The following SPATA16 variants were observed in gnomAD, a reference collection of about 807,000 sequenced individuals.
SPATA16 encodes the protein spermatogenesis associated 16.
A neutral mutation model predicts 63.3 loss-of-function variants in SPATA16; 36 were observed. The observed-to-expected ratio is 0.57, with a 90% CI of 0.44 to 0.75. The LOEUF (loss-of-function observed/expected upper bound fraction) is 0.75. Among genes scored for constraint, SPATA16 ranks in the 30% least tolerant of loss-of-function variants. The pLI is 0.00. For synonymous variants in SPATA16, 203 were observed against 216.7 expected, an observed-to-expected ratio of 0.94 and a Z score of 0.56; for missense variants, 646 against 679.3, an observed-to-expected ratio of 0.95 and a Z score of 0.54.
intron 3 of SPATA16, among the ~76,000 whole-genome samples, chr3:173,041,558 A>G (rs752082112): frequency 8.5e-5 from 13 of 152,262 alleles, no homozygotes; most frequent in Middle Eastern, 3.4e-3. Context: ...TTGTGTTCCC[A>G]ATTATTATCC....
intron 6 of SPATA16, among the ~76,000 whole-genome samples, chr3:172,928,809 G>C (rs142524951): frequency 6.0e-4 from 92 of 152,138 alleles, no homozygotes; most frequent in Non-Finnish European, 1.0e-3. Flanking sequence ...AATGTAGGAG[G>C]CTCCTATATA....
At chr3:173,030,604 T>C (rs1735582681) in intron 3 of SPATA16, among the ~76,000 whole-genome samples, 2 of 151,996 alleles carry the variant, frequency 1.3e-5, no homozygotes, top group Admixed American at 1.3e-4. Flanking sequence ...GTGGAGAAAT[T>C]AGAATGCTTG....
At chr3:173,005,357 G>A (rs946636485) in intron 4 of SPATA16, among the ~76,000 whole-genome samples, 12 of 148,288 alleles carry the variant, frequency 8.1e-5, no homozygotes, top group African/African-American at 3.0e-4. Flanking sequence ...AGAAAATGTA[G>A]AATCAGGAGG....
chr3:172,972,024 C>T (rs1734058058), intron 5 of SPATA16, among the ~76,000 whole-genome samples: 1 of 152,124 alleles, frequency 6.6e-6, no homozygotes, highest in South Asian at 2.1e-4. Context: ...TCTTTTTTGT[C>T]TCTCAGTTCA....
chr3:173,101,920 A>G (rs376837882), intron 2 of SPATA16, among the ~76,000 whole-genome samples: 4 of 152,164 alleles, frequency 2.6e-5, no homozygotes, highest in African/African-American at 9.6e-5. Flanking sequence ...CAGACCCACA[A>G]TCCACCATTG....
intron 4 of SPATA16, among the ~76,000 whole-genome samples, chr3:172,991,214 G>T (rs974042632): frequency 6.6e-6 from 1 of 152,084 alleles, no homozygotes; most frequent in Non-Finnish European, 1.5e-5. Flanking sequence ...TCTCAGGGGA[G>T]ATATTTCAGA....
At chr3:172,952,867 G>C (rs543404071) in intron 6 of SPATA16, among the ~76,000 whole-genome samples, 2 of 150,292 alleles carry the variant, frequency 1.3e-5, no homozygotes, top group Non-Finnish European at 3.0e-5. Flanking sequence ...TTGAACCCGG[G>C]AGGTGGAGGT....
intron 3 of SPATA16, among the ~76,000 whole-genome samples, chr3:173,033,519 C>T (rs1735650373): frequency 6.6e-6 from 1 of 152,072 alleles, no homozygotes; most frequent in Non-Finnish European, 1.5e-5. Flanking sequence ...TATCAGCTAT[C>T]ACCTCTCTTG....
intron 1 of SPATA16, among the ~76,000 whole-genome samples, chr3:173,119,327 A>G (rs1320817394): frequency 2.0e-5 from 3 of 152,308 alleles, no homozygotes; most frequent in South Asian, 4.1e-4. Flanking sequence ...GCAAACAAAT[A>G]AACAAACAAA....
At chr3:173,117,888 A>C in intron 1 of SPATA16, 139 bp from the exon 2 acceptor site, 1 of 1,363,400 alleles carries the variant, frequency 7.3e-7, no homozygotes, top group Non-Finnish European at 1.0e-6. Flanking sequence ...GTATTTACAT[A>C]ATCTACTGAC....
rs76919890 is a variant in SPATA16, at chr3:172,979,633, A to G, written c.849-2581T>C. ...TAAAATTAGAATTTTTAGCGCTTTT[A>G]TTAATGTTATGCCAAAGTTGCTTTT... On this transcript the variant is annotated intron_variant, in intron 4 of 10. Transcript: ENST00000351008. 3.6e-3 allele frequency among the ~76,000 whole-genome samples: 553 copies of G among 152,210 alleles called. 3 individuals carry two copies. The highest frequency in any genetic ancestry group is 0.013 in the African/African-American group (538 of 41,530).
chr3:173,092,987 T>G (rs2108320472), intron 2 of SPATA16, among the ~76,000 whole-genome samples: 1 of 151,896 alleles, frequency 6.6e-6, no homozygotes, highest in Non-Finnish European at 1.5e-5. Flanking sequence ...TTTGTAGCAC[T>G]TTCCACAAAT....
chr3:172,921,738 A>G (rs1300929805), intron 8 of SPATA16, among the ~76,000 whole-genome samples: 2 of 152,242 alleles, frequency 1.3e-5, no homozygotes, highest in Non-Finnish European at 2.9e-5. Flanking sequence ...AATACTTTAC[A>G]AAGTGCTTCA....
intron 10 of SPATA16, among the ~76,000 whole-genome samples, chr3:172,894,955 G>A (rs79521788): frequency 0.096 from 14,623 of 152,176 alleles, 787 homozygotes; most frequent in African/African-American, 0.14. Flanking sequence ...ATGGCATTTT[G>A]TTATAACAGC....
chr3:173,015,890 G>A (rs1229410648), intron 4 of SPATA16, among the ~76,000 whole-genome samples: 1 of 151,050 alleles, frequency 6.6e-6, no homozygotes, highest in East Asian at 1.9e-4. Flanking sequence ...GTGTGTGTGT[G>A]TGTAAGTATG....
chr3:172,917,504 A>G (rs538145484), intron 8 of SPATA16, among the ~76,000 whole-genome samples: 2 of 152,336 alleles, frequency 1.3e-5, no homozygotes, highest in East Asian at 1.9e-4. Context: ...TGCCTACACC[A>G]GAATCACTAT....
chr3:173,009,211 A>G (rs998001507), intron 4 of SPATA16, among the ~76,000 whole-genome samples: 5 of 152,230 alleles, frequency 3.3e-5, no homozygotes, highest in Admixed American at 1.3e-4. Flanking sequence ...GAGAGAAAAC[A>G]CTAAGCTCTT....
At chr3:173,085,412 AT>A (rs1461329540) in intron 2 of SPATA16, among the ~76,000 whole-genome samples, 3 of 151,960 alleles carry the variant, frequency 2.0e-5, no homozygotes, top group Non-Finnish European at 4.4e-5. Context: ...GAATTTTTGG[AT>A]TGAGATGATG....
rs568594741 is a variant in SPATA16, at chr3:173,083,557, C to A, written c.612+33563G>T. Among the ~76,000 whole-genome samples the A allele has an allele frequency of 1.5e-3, 227 of 152,134 alleles. 1 individual carries two copies. The highest frequency in any genetic ancestry group is 5.2e-3 in the African/African-American group (217 of 41,510). On this transcript the variant is annotated intron_variant, in intron 2 of 10. Coordinates refer to ENST00000351008, the MANE Select transcript of SPATA16 (RefSeq NM_031955.6). ...TAGGTTTGTCACATAGGTAAACGTG[C>A]GCCCTGGTGGTTTGCTGCACAGATC...
Sources: allele counts gnomAD v4.1 joint callset (sites outside exome capture counted in the v4.1 genomes callset), GRCh38; gene constraint gnomAD v4.1.1; transcripts MANE v1.5; gene names NCBI Gene and HGNC (gene_info 2026-07-23, HGNC 2026-07-21).